Variants in CNTN5 observed in about 807,000 individuals in gnomAD.
CNTN5 encodes contactin-5.
CNTN5 carries 77 observed loss-of-function variants against 129.1 expected under a neutral mutation model. That is an observed-to-expected ratio of 0.60 (90% confidence interval 0.50 to 0.72). The LOEUF is 0.72. Ranked by LOEUF, CNTN5 falls within the 30% of genes least tolerant of loss-of-function variation. The probability of loss-of-function intolerance (pLI) is 0.00; values close to 1 mark genes in which losing one functional copy is unlikely to be tolerated. For synonymous variants in CNTN5, 509 were observed against 465.6 expected (o/e 1.09, Z -1.20); for missense variants, 1,478 against 1,328.8 (o/e 1.11, Z -1.75).
intron 4 of CNTN5, among the ~76,000 whole-genome samples, chr11:99,840,946 C>G (rs1237888721): frequency 2.0e-5 from 3 of 152,062 alleles, no homozygotes; most frequent in Admixed American, 2.0e-4. Context: ...TATCTATAAT[C>G]TCTTTACAGT....
At chr11:100,049,811 A>G (rs1013507536) in intron 9 of CNTN5, among the ~76,000 whole-genome samples, 98 of 152,182 alleles carry the variant, frequency 6.4e-4, no homozygotes, top group Non-Finnish European at 9.8e-4. Flanking sequence ...AAAAGTGGGC[A>G]AAGGACATGA....
At chr11:99,917,029 C>T (rs1436398978) in intron 7 of CNTN5, among the ~76,000 whole-genome samples, 1 of 151,910 alleles carries the variant, frequency 6.6e-6, no homozygotes, top group African/African-American at 2.4e-5. Context: ...CACAATTTGG[C>T]TCTACTGTAC....
At chr11:99,845,876 A>T (rs1947676969) in intron 6 of CNTN5, among the ~76,000 whole-genome samples, 1 of 152,096 alleles carries the variant, frequency 6.6e-6, no homozygotes, top group Non-Finnish European at 1.5e-5. Context: ...AAAAAAAATG[A>T]TAATCCAAAT....
At chr11:99,746,024 T>A (rs1484248642) in intron 3 of CNTN5, among the ~76,000 whole-genome samples, 2 of 152,184 alleles carry the variant, frequency 1.3e-5, no homozygotes, top group African/African-American at 4.8e-5. Context: ...TTTTGAAAGG[T>A]TAAGAAGTCT....
At chr11:100,024,223 T>G (rs1041376764) in intron 9 of CNTN5, among the ~76,000 whole-genome samples, 2 of 152,166 alleles carry the variant, frequency 1.3e-5, no homozygotes, top group African/African-American at 4.8e-5. Context: ...AAGGGTCGCT[T>G]TCCCCTTTGC....
intron 2 of CNTN5, among the ~76,000 whole-genome samples, chr11:99,344,715 AAATG>A (rs1169364737): frequency 6.6e-6 from 1 of 152,212 alleles, no homozygotes; most frequent in Non-Finnish European, 1.5e-5. Context: ...AAAAGCATCA[AAATG>A]AGCAGCACAC....
chr11:99,078,482 A>T (rs2226649), intron 1 of CNTN5, among the ~76,000 whole-genome samples: 2 of 152,326 alleles, frequency 1.3e-5, no homozygotes, highest in African/African-American at 4.8e-5. Context: ...GGATGCCCAT[A>T]TTTATTGTAG....
intron 3 of CNTN5, among the ~76,000 whole-genome samples, chr11:99,726,934 T>C (rs1943360382): frequency 6.6e-6 from 1 of 152,100 alleles, no homozygotes; most frequent in Non-Finnish European, 1.5e-5. Flanking sequence ...TGAAAAAAAT[T>C]TACATAAAAG....
At chr11:99,926,641 C>T (rs930936914) in intron 7 of CNTN5, among the ~76,000 whole-genome samples, 1 of 152,040 alleles carries the variant, frequency 6.6e-6, no homozygotes, top group East Asian at 1.9e-4. Context: ...CATGATACTC[C>T]TTGCTTCAAA....
chr11:99,322,985 G>A (rs1865631770), intron 1 of CNTN5, among the ~76,000 whole-genome samples: 1 of 152,118 alleles, frequency 6.6e-6, no homozygotes, highest in Admixed American at 6.6e-5. Context: ...TTCTTTTTCA[G>A]TAAGTCGCCT....
chr11:100,340,650 G>GT lies in CNTN5; in HGVS notation c.2917+2dup, dbSNP rs777537527. The GT allele has an allele frequency of 1.3e-6, 2 of 1,588,858 alleles. No homozygotes were observed. Among genetic ancestry groups the GT allele is most frequent in the South Asian group, 1.1e-5 (1 of 87,720 alleles). On this transcript the variant is annotated splice_donor_variant, in intron 22 of 24. Coordinates refer to ENST00000524871, the MANE Select transcript of CNTN5 (RefSeq NM_014361.4). LOFTEE classifies it high-confidence loss of function. ...GTGAGTGCAACCACCAAGAAATCCC[G>GT]TAAGTGACCTGGGCTTTTTGTTTGT... is the stretch of plus-strand genomic sequence containing the variant.
rs114720814 is a variant in CNTN5 at position 99,746,435 on chromosome 11, G to A, written c.56-73109G>A. The stretch of plus-strand genomic sequence containing the variant: ...TTGTGATCCACTAGTCTACATGAAG[G>A]GTCCTCCACCCCCAGTCACAGACCA... On this transcript the variant is annotated intron_variant, in intron 3 of 24. Transcript: ENST00000524871. Among the ~76,000 whole-genome samples the A allele has an allele frequency of 1.5e-4, 23 of 152,202 alleles. No individual in the cohort carries two copies. The South Asian group carries it at 4.8e-3, about 32-fold the overall frequency.
intron 1 of CNTN5, among the ~76,000 whole-genome samples, chr11:99,302,594 A>G (rs1431432843): frequency 6.6e-6 from 1 of 151,608 alleles, no homozygotes. Context: ...GGGTCCAATC[A>G]GTGTAAATGG....
chr11:99,136,579 C>T (rs917050263), intron 1 of CNTN5, among the ~76,000 whole-genome samples: 1 of 152,164 alleles, frequency 6.6e-6, no homozygotes, highest in Non-Finnish European at 1.5e-5. Context: ...CCTCACCTCA[C>T]ATGAACCAAC....
At chr11:99,168,544 C>T (rs1358553355) in intron 1 of CNTN5, among the ~76,000 whole-genome samples, 4 of 148,416 alleles carry the variant, frequency 2.7e-5, no homozygotes, top group African/African-American at 4.9e-5. Flanking sequence ...CACACCATTG[C>T]ACTCCAGCCT....
intron 3 of CNTN5, among the ~76,000 whole-genome samples, chr11:99,653,665 T>C (rs1016917888): frequency 1.1e-4 from 17 of 152,060 alleles, no homozygotes; most frequent in Non-Finnish European, 2.1e-4. Context: ...AAATGTCTTA[T>C]AATTTACATG....
intron 17 of CNTN5, among the ~76,000 whole-genome samples, chr11:100,270,421 T>A (rs1219648291): frequency 6.6e-6 from 1 of 152,216 alleles, no homozygotes; most frequent in Non-Finnish European, 1.5e-5. Context: ...TTTTCACTCC[T>A]GTAACAAATG....
At chr11:99,858,250 CTG>C (rs1948100337) in intron 6 of CNTN5, among the ~76,000 whole-genome samples, 1 of 152,054 alleles carries the variant, frequency 6.6e-6, no homozygotes, top group African/African-American at 2.4e-5. Context: ...TGTCTATAAA[CTG>C]TCAGTAAAGA....
chr11:100,236,892 CA>C lies in CNTN5; in HGVS notation c.2005+12081del, dbSNP rs533852578. Among the ~76,000 whole-genome samples the C allele has an allele frequency of 1.1e-3, 165 of 152,162 alleles. 1 individual carries two copies. The highest frequency in any genetic ancestry group is 3.9e-3 in the African/African-American group (160 of 41,540). On this transcript the variant is annotated intron_variant, in intron 16 of 24. Transcript: ENST00000524871. ...CTGTTTTTGACAACCCAAATGTGGT[CA>C]CCAAGAAAGAACTCCGCTGGGCGCG...
Sources: allele counts gnomAD v4.1 joint callset (sites outside exome capture counted in the v4.1 genomes callset), GRCh38; gene constraint gnomAD v4.1.1; transcripts MANE v1.5; gene names NCBI Gene and HGNC (gene_info 2026-07-23, HGNC 2026-07-21).